PRTG: variants seen among roughly 807,000 people sequenced by gnomAD.
PRTG encodes the protein protogenin.
PRTG carries 67 observed loss-of-function variants against 122.5 expected under a neutral mutation model. The ratio of observed to expected loss-of-function variants is 0.55; its 90% CI spans 0.45 to 0.67. The LOEUF (loss-of-function observed/expected upper bound fraction) is 0.67. Among genes scored for constraint, PRTG ranks in the 30% least tolerant of loss-of-function variants. The pLI is 0.00. For synonymous variants in PRTG, 554 were observed against 501.1 expected, an observed-to-expected ratio of 1.11 and a Z score of -1.41; for missense variants, 1,435 against 1,415.4, an observed-to-expected ratio of 1.01 and a Z score of -0.22.
intron 11 of PRTG, among the ~76,000 whole-genome samples, chr15:55,670,127 A>C (rs1269621830): frequency 2.0e-5 from 3 of 152,154 alleles, no homozygotes; most frequent in African/African-American, 4.8e-5. Context: ...TAAATAAATA[A>C]ATACATACAT....
Position 55,675,768 on chromosome 15 carries a change from T to A in PRTG, c.1382-85A>T, listed in dbSNP as rs1411367574. 9.6e-6 allele frequency: 7 copies of A among 727,954 alleles called. No individual in the cohort carries two copies. In the African/African-American group the frequency reaches 1.2e-4, roughly 13 times the overall value. The allele number at this position is 727,954 out of a possible 1,614,324, so 45.1% of individuals were successfully genotyped here. A position where few individuals can be genotyped will look rare whatever the true frequency, so the allele number is the denominator to read the frequency against. Reference sequence around the variant, plus strand: ...ATTTTCCTGCACTGTGAAACACTGGTCCTTGGGTCTAATCTCAATCTCTTA... The same window carrying A: ...ATTTTCCTGCACTGTGAAACACTGGACCTTGGGTCTAATCTCAATCTCTTA... On this transcript the variant is annotated intron_variant, in intron 8 of 19. Transcript: ENST00000389286.
intron 13 of PRTG, among the ~76,000 whole-genome samples, chr15:55,639,201 C>G (rs1313207733): frequency 6.6e-6 from 1 of 152,150 alleles, no homozygotes; most frequent in Non-Finnish European, 1.5e-5. Context: ...TCTTAAACTT[C>G]TGACTTAAGC....
Position 55,672,632 on chromosome 15 carries a change from G to T in PRTG, c.1854C>A (p.Ala618=). The T allele has an allele frequency of 6.2e-7, 1 of 1,609,584 alleles. No individual in the cohort carries two copies. The highest frequency in any genetic ancestry group is 8.5e-7 in the Non-Finnish European group (1 of 1,177,978). The change falls in exon 11 of 20, where the codon GCC becomes GCA. Residue 618 remains alanine (A), a splice_region_variant and synonymous_variant. Coordinates refer to ENST00000389286, the MANE Select transcript of PRTG (RefSeq NM_173814.6). ...HRTPKATSVK[A]PKSPELHLEP... is the part of the protein sequence containing the mutation. ...CCAAATGCAACTCTGGAGACTTAGGGGCTAGCAAAATTCATCAGAAAATGT... is the reference window on the plus strand; with the variant it reads ...CCAAATGCAACTCTGGAGACTTAGGTGCTAGCAAAATTCATCAGAAAATGT...
intron 10 of PRTG, 30 bp from the exon 11 acceptor site, chr15:55,672,663 T>A (rs1382644387): frequency 6.4e-7 from 1 of 1,551,626 alleles, no homozygotes; most frequent in East Asian, 2.3e-5. Context: ...AATGTATGTA[T>A]AAACAACCCA....
rs141097991 is a variant in PRTG, at chr15:55,615,633, A to C, written c.*4379T>G. On this transcript the variant is annotated 3_prime_UTR_variant, in exon 20 of 20. Coordinates refer to ENST00000389286, the MANE Select transcript of PRTG (RefSeq NM_173814.6). ...TTATTTTGACTATTAAACCAACAGA[A>C]TCTTATCAGAGACCCATGTGGCAAA... 1 of 152,244 alleles carries C rather than the reference A, an allele frequency of 6.6e-6. No individual in the cohort carries two copies. The highest frequency in any genetic ancestry group is 6.5e-5 in the Admixed American group (1 of 15,282). 9.4% of individuals were successfully genotyped at this position (152,244 alleles called of 1,614,324 possible).
intron 11 of PRTG, among the ~76,000 whole-genome samples, chr15:55,672,143 C>T (rs2059475532): frequency 6.6e-6 from 1 of 152,184 alleles, no homozygotes; most frequent in Non-Finnish European, 1.5e-5. Flanking sequence ...CCGCCACACA[C>T]TCACAATAAT....
intron 15 of PRTG, among the ~76,000 whole-genome samples, chr15:55,631,673 G>C (rs2059228295): frequency 6.6e-6 from 1 of 152,168 alleles, no homozygotes; most frequent in Non-Finnish European, 1.5e-5. Context: ...AATCTTACAA[G>C]CAAGACAGTA....
intron 11 of PRTG, among the ~76,000 whole-genome samples, chr15:55,664,989 T>C (rs992426489): frequency 5.9e-5 from 9 of 151,902 alleles, no homozygotes; most frequent in Non-Finnish European, 1.0e-4. Context: ...CCAGGCGCAG[T>C]GGCTCACGCC....
intron 2 of PRTG, among the ~76,000 whole-genome samples, chr15:55,718,592 G>T (rs1176096075): frequency 2.0e-5 from 3 of 149,892 alleles, no homozygotes; most frequent in African/African-American, 7.4e-5. Flanking sequence ...CTGCACCCAC[G>T]TGAAATAAAC....
At chr15:55,662,427 A>T (rs937203388) in intron 11 of PRTG, among the ~76,000 whole-genome samples, 2 of 152,252 alleles carry the variant, frequency 1.3e-5, no homozygotes, top group African/African-American at 4.8e-5. Flanking sequence ...TGAAGAAAGC[A>T]AAATATCTTC....
intron 11 of PRTG, among the ~76,000 whole-genome samples, chr15:55,650,024 C>T (rs1252324934): frequency 6.6e-6 from 1 of 152,032 alleles, no homozygotes; most frequent in Non-Finnish European, 1.5e-5. Context: ...TTTAGAAAAA[C>T]ATCATAGGTG....
chr15:55,681,115 A>G (rs148214367), intron 4 of PRTG, among the ~76,000 whole-genome samples: 3 of 152,314 alleles, frequency 2.0e-5, no homozygotes, highest in African/African-American at 7.2e-5. Flanking sequence ...ATCATTGTAT[A>G]GATAGAACAC....
intron 11 of PRTG, among the ~76,000 whole-genome samples, chr15:55,652,326 G>C (rs190310135): frequency 7.9e-4 from 120 of 152,236 alleles, no homozygotes; most frequent in African/African-American, 2.8e-3. Context: ...TAAGTAGGTA[G>C]GAAATGATCA....
chr15:55,620,315 C>T (rs775314440), intron 19 of PRTG, 49 bp from the exon 20 acceptor site: 2 of 1,591,812 alleles, frequency 1.3e-6, no homozygotes, highest in Non-Finnish European at 8.5e-7. Context: ...CTGATCGAAT[C>T]CACGAGCAAA....
intron 11 of PRTG, among the ~76,000 whole-genome samples, chr15:55,644,249 T>C (rs1008319178): frequency 3.3e-5 from 5 of 152,222 alleles, no homozygotes; most frequent in African/African-American, 4.8e-5. Flanking sequence ...AAAGGAAGGA[T>C]AGGACAGATG....
At chr15:55,645,076 C>T (rs1459707657) in intron 11 of PRTG, among the ~76,000 whole-genome samples, 1 of 152,112 alleles carries the variant, frequency 6.6e-6, no homozygotes, top group Non-Finnish European at 1.5e-5. Context: ...TCCAGAGACC[C>T]TGGAATATCC....
Position 55,742,850 on chromosome 15 carries a change from T to C in PRTG, c.82A>G (p.Ser28Gly), listed in dbSNP as rs764806625. 4 of 1,540,566 alleles carry C rather than the reference T, an allele frequency of 2.6e-6. No homozygotes were observed. The East Asian group carries it at 1.0e-4, about 39-fold the overall frequency. The stretch of plus-strand genomic sequence containing the variant: ...AAAGCGCGCCCACCTGGCAAAGGAC[T>C]GAGCAGCAGCAGGAGCAGGAGCGCG... ...LRALLLLLLL[S>G]PLPGVWCFSE... Residue 28 changes from serine to glycine, a missense_variant, in exon 1 of 20, where the codon AGT (serine) becomes GGT (glycine). Physicochemically the swap from Ser to Gly is moderately conservative, Grantham distance 56. Coordinates refer to ENST00000389286, the MANE Select transcript of PRTG (RefSeq NM_173814.6).
In PRTG at chr15:55,686,033, TTATC is replaced by T. The variant is rs1302501865; in HGVS notation, c.398-2106_398-2103del. 3.3e-5 allele frequency among the ~76,000 whole-genome samples: 5 copies of T among 152,316 alleles called. No homozygotes were observed. The East Asian group carries it at 7.7e-4, about 23-fold the overall frequency. On this transcript the variant is annotated intron_variant, in intron 2 of 19. Coordinates refer to ENST00000389286, the MANE Select transcript of PRTG (RefSeq NM_173814.6). Reference sequence around the variant, plus strand: ...AAACCTATGGACCATCCCCTGCTGTTTATCTACTAAAGAATTAGGAAACAGATGG... The same window carrying T: ...AAACCTATGGACCATCCCCTGCTGTTTACTAAAGAATTAGGAAACAGATGG...
chr15:55,701,946 C>T (rs185132142), intron 2 of PRTG, among the ~76,000 whole-genome samples: 8 of 152,152 alleles, frequency 5.3e-5, no homozygotes, highest in African/African-American at 2.4e-5. Context: ...AGGGTTATGA[C>T]TATATAGTAC....
Sources: gnomAD v4.1 joint callset for allele counts (sites outside exome capture counted in the v4.1 genomes callset) on GRCh38, gnomAD v4.1.1 for gene constraint, MANE v1.5 for transcripts, NCBI Gene and HGNC (gene_info 2026-07-23, HGNC 2026-07-21) for gene names.